Variants in SCAPER observed in about 807,000 individuals in gnomAD.
The protein encoded by SCAPER is S-phase cyclin A associated protein in the ER, also known as S phase cyclin A-associated protein in the endoplasmic reticulum.
SCAPER carries 98 observed loss-of-function variants against 182.2 expected under a neutral mutation model. The ratio of observed to expected loss-of-function variants is 0.54; its 90% CI spans 0.46 to 0.64. SCAPER has a LOEUF of 0.64. Ranked by LOEUF, SCAPER falls within the 30% of genes least tolerant of loss-of-function variation. The pLI is 0.00. For synonymous variants in SCAPER, 605 were observed against 564.6 expected (o/e 1.07, Z -1.01); for missense variants, 1,432 against 1,690.0 (o/e 0.85, Z 2.68).
intron 27 of SCAPER, among the ~76,000 whole-genome samples, chr15:76,386,404 G>A (rs1442008921): frequency 6.6e-6 from 1 of 152,186 alleles, no homozygotes; most frequent in Non-Finnish European, 1.5e-5. Context: ...TATGTGGCAA[G>A]CCCTATTCTA....
chr15:76,887,559 C>T (rs896223197), intron 1 of SCAPER, among the ~76,000 whole-genome samples: 1 of 152,196 alleles, frequency 6.6e-6, no homozygotes, highest in African/African-American at 2.4e-5. Context: ...GCTAGTGTAG[C>T]AGTCTAAGAT....
intron 14 of SCAPER, among the ~76,000 whole-genome samples, chr15:76,758,330 G>A (rs1329855239): frequency 6.6e-6 from 1 of 152,030 alleles, no homozygotes; most frequent in Non-Finnish European, 1.5e-5. Flanking sequence ...AATACCCTTT[G>A]TTGAAAAGAT....
At chr15:76,406,506 G>C (rs2044844347) in intron 26 of SCAPER, among the ~76,000 whole-genome samples, 1 of 151,760 alleles carries the variant, frequency 6.6e-6, no homozygotes, top group Non-Finnish European at 1.5e-5. Flanking sequence ...GTTTTGACTG[G>C]GTAAAGTAGC....
intron 21 of SCAPER, among the ~76,000 whole-genome samples, chr15:76,625,546 G>C (rs945070390): frequency 2.0e-5 from 3 of 152,086 alleles, no homozygotes; most frequent in Non-Finnish European, 1.5e-5. Flanking sequence ...AATGTCAACG[G>C]GGTTTGAGTT....
At chr15:76,780,925 G>A (rs969736315) in intron 8 of SCAPER, among the ~76,000 whole-genome samples, 2 of 152,132 alleles carry the variant, frequency 1.3e-5, no homozygotes, top group African/African-American at 4.8e-5. Flanking sequence ...CACAAAGATG[G>A]GGAGAAACCA....
At chr15:76,889,154 C>T (rs7173333) in intron 1 of SCAPER, among the ~76,000 whole-genome samples, 2 of 152,148 alleles carry the variant, frequency 1.3e-5, no homozygotes, top group South Asian at 4.1e-4. Flanking sequence ...ACCAGGCCTG[C>T]CTTATAAGAG....
chr15:76,606,999 G>T (rs1266209950), intron 22 of SCAPER, among the ~76,000 whole-genome samples: 1 of 152,128 alleles, frequency 6.6e-6, no homozygotes, highest in African/African-American at 2.4e-5. Context: ...TTTAATTGGA[G>T]CATTTAGCCC....
chr15:76,535,283 G>A (rs946935618), intron 23 of SCAPER, among the ~76,000 whole-genome samples: 1 of 151,944 alleles, frequency 6.6e-6, no homozygotes, highest in Non-Finnish European at 1.5e-5. Context: ...CAGCACTTTG[G>A]GAGGCCGAGG....
At chr15:76,847,019 A>G (rs2070157955) in intron 4 of SCAPER, among the ~76,000 whole-genome samples, 1 of 152,200 alleles carries the variant, frequency 6.6e-6, no homozygotes, top group African/African-American at 2.4e-5. Flanking sequence ...GCCATAAAAA[A>G]AAAAATGAGA....
chr15:76,715,957 G>A (rs1311732630), intron 17 of SCAPER, among the ~76,000 whole-genome samples: 3 of 152,122 alleles, frequency 2.0e-5, no homozygotes, highest in African/African-American at 7.2e-5. Flanking sequence ...AAGACCCTAA[G>A]CCCAGAAACT....
At chr15:76,713,282 T>C (rs1408668420) in intron 17 of SCAPER, among the ~76,000 whole-genome samples, 1 of 152,056 alleles carries the variant, frequency 6.6e-6, no homozygotes, top group Non-Finnish European at 1.5e-5. Context: ...TTACTGAGTA[T>C]ATACCCAAAG....
chr15:76,711,756 T>C (rs2059584896), intron 17 of SCAPER, among the ~76,000 whole-genome samples: 1 of 152,328 alleles, frequency 6.6e-6, no homozygotes, highest in Non-Finnish European at 1.5e-5. Flanking sequence ...TGTCTGTTCA[T>C]ATCCTCCCCC....
intron 20 of SCAPER, among the ~76,000 whole-genome samples, chr15:76,666,518 A>G (rs1293190762): frequency 6.6e-6 from 1 of 152,144 alleles, no homozygotes; most frequent in Non-Finnish European, 1.5e-5. Flanking sequence ...CAAAATCCCA[A>G]TCCTAAATCC....
chr15:76,409,624 CTAAAA>C (rs947048929), intron 26 of SCAPER, among the ~76,000 whole-genome samples: 1 of 150,904 alleles, frequency 6.6e-6, no homozygotes, highest in African/African-American at 2.4e-5. Flanking sequence ...AAAAAAAAAA[CTAAAA>C]TGAGTTATTG....
intron 27 of SCAPER, among the ~76,000 whole-genome samples, chr15:76,397,007 GTTTTTTTT>G (rs61586857): frequency 2.5e-5 from 3 of 121,150 alleles, no homozygotes; most frequent in African/African-American, 8.7e-5. Context: ...TTTTTTGAGA[GTTTTTTTT>G]TTTTTTTTTT....
intron 5 of SCAPER, among the ~76,000 whole-genome samples, chr15:76,821,363 A>C (rs2067524183): frequency 1.3e-5 from 2 of 152,262 alleles, no homozygotes; most frequent in Admixed American, 1.3e-4. Flanking sequence ...TCACGCCTAT[A>C]ATCCCAGCAC....
At chr15:76,731,294 A>C (rs562490120) in intron 16 of SCAPER, among the ~76,000 whole-genome samples, 21 of 152,316 alleles carry the variant, frequency 1.4e-4, no homozygotes, top group Non-Finnish European at 2.9e-4. Context: ...CTAAGAAAGG[A>C]TTCTGTAGCT....
At position 76,361,452 on chromosome 15, in the gene SCAPER, C is replaced by A. The variant is rs571522466; in HGVS notation, c.3856-7312G>T. Among the ~76,000 whole-genome samples the A allele has an allele frequency of 1.4e-4, 22 of 152,314 alleles. 1 individual carries two copies. Among genetic ancestry groups the A allele is most frequent in the Admixed American group, 1.3e-3 (20 of 15,306 alleles). ...GCCCAGTTTTTCCACAAAATCCACA[C>A]CAGTTACTTACAAGAAAGTCTTCCA... On this transcript the variant is annotated intron_variant, in intron 29 of 31. Coordinates refer to ENST00000563290, the MANE Select transcript of SCAPER (RefSeq NM_020843.4).
intron 20 of SCAPER, among the ~76,000 whole-genome samples, chr15:76,682,095 T>A (rs2057746918): frequency 6.6e-6 from 1 of 152,110 alleles, no homozygotes; most frequent in African/African-American, 2.4e-5. Context: ...CATATGTTCT[T>A]TGTCAAGACA....
Sources: gnomAD v4.1 joint callset for allele counts (sites outside exome capture counted in the v4.1 genomes callset) on GRCh38, gnomAD v4.1.1 for gene constraint, MANE v1.5 for transcripts, NCBI Gene and HGNC (gene_info 2026-07-23, HGNC 2026-07-21) for gene names.